The following ITGA4 variants were observed in gnomAD, a reference collection of about 807,000 sequenced individuals.
ITGA4 encodes the protein integrin subunit alpha 4.
In ITGA4, 63 loss-of-function variants were observed where a neutral mutation model predicts 133.6. That is an observed-to-expected ratio of 0.47 (90% CI 0.38 to 0.58). ITGA4 has a LOEUF of 0.58. Among genes scored for constraint, ITGA4 ranks in the 20% least tolerant of loss-of-function variants. ITGA4 has a pLI of 0.00. For synonymous variants in ITGA4, 483 were observed against 438.0 expected (o/e 1.10, Z -1.28); for missense variants, 1,076 against 1,252.7 (o/e 0.86, Z 2.13).
intron 17 of ITGA4, among the ~76,000 whole-genome samples, chr2:181,520,521 G>A (rs1686695902): frequency 6.6e-6 from 1 of 151,992 alleles, no homozygotes; most frequent in African/African-American, 2.4e-5. Flanking sequence ...GTGAAGACTG[G>A]ATTAAAGGAG....
At position 181,495,273 on chromosome 2, in the gene ITGA4, G is replaced by T; in HGVS notation, c.1340-98G>T. On this transcript the variant is annotated intron_variant, in intron 12 of 27. Coordinates refer to ENST00000397033, the MANE Select transcript of ITGA4 (RefSeq NM_000885.6). The surrounding 1 kb of genome is among the most constrained non-coding windows in gnomAD (Gnocchi z 4.3). ...CTAATTTTCTATAAATAGTGTTTTA[G>T]GTAGTCAAAGGTGATACGTAGTTAA... The T allele has an allele frequency of 1.2e-6, 1 of 820,788 alleles. No homozygotes were observed. Among genetic ancestry groups the T allele is most frequent in the South Asian group, 1.4e-5 (1 of 70,110 alleles). The allele number at this position is 820,788 out of a possible 1,614,324, so 50.8% of individuals were successfully genotyped here.
Position 181,535,134 on chromosome 2 carries a change from C to T in ITGA4, c.3003+199C>T, listed in dbSNP as rs573491805. Among the ~76,000 whole-genome samples, 17 of 147,604 alleles carry T rather than the reference C, an allele frequency of 1.2e-4. No homozygotes were observed. In the East Asian group the frequency reaches 2.7e-3, roughly 23 times the overall value. ...TGCATTCTTAATTTGTTTTGAAAGA[C>T]AGACGTTCCTTTTAAAAAACCATTT... On this transcript the variant is annotated intron_variant, in intron 27 of 27. Coordinates refer to ENST00000397033, the MANE Select transcript of ITGA4 (RefSeq NM_000885.6).
intron 22 of ITGA4, 53 bp from the exon 23 acceptor site, chr2:181,529,488 C>T: frequency 1.1e-6 from 1 of 883,824 alleles, no homozygotes; most frequent in Non-Finnish European, 1.9e-6. Flanking sequence ...GATATCTGTA[C>T]TTACATTTAT....
Position 181,520,352 on chromosome 2 carries a change from CT to C in ITGA4, c.1923-1838del, listed in dbSNP as rs754373876. ...GATGCCTGTTTATAGAAAAATATGACTGAAACAATGAATTGTGCAGTGAAAG... is the reference window on the plus strand; with the variant it reads ...GATGCCTGTTTATAGAAAAATATGACGAAACAATGAATTGTGCAGTGAAAG... On this transcript the variant is annotated intron_variant, in intron 17 of 27. Coordinates refer to ENST00000397033, the MANE Select transcript of ITGA4 (RefSeq NM_000885.6). Among the ~76,000 whole-genome samples the C allele has an allele frequency of 5.3e-5, 8 of 152,172 alleles. No individual in the cohort carries two copies. In the South Asian group the frequency reaches 1.0e-3, roughly 20 times the overall value.
chr2:181,535,399 T>C (rs1278126732), intron 27 of ITGA4, 33 bp from the exon 28 acceptor site: 3 of 1,518,516 alleles, frequency 2.0e-6, no homozygotes, highest in African/African-American at 2.8e-5. Context: ...TGTTCATAAC[T>C]ATACACTAGT....
In ITGA4 at chr2:181,482,431, TC is replaced by T; in HGVS notation, c.903+10del. On this transcript the variant is annotated intron_variant, in intron 8 of 27. Coordinates refer to ENST00000397033, the MANE Select transcript of ITGA4 (RefSeq NM_000885.6). ...AAATGAAAGGTAAAAAGGTAATATGTCTCTACCTTTAGTATCTCTGTGGGCT... is the reference window on the plus strand; with the variant it reads ...AAATGAAAGGTAAAAAGGTAATATGTTCTACCTTTAGTATCTCTGTGGGCT... The T allele has an allele frequency of 3.1e-6, 5 of 1,613,318 alleles. No homozygotes were observed. Among genetic ancestry groups the T allele is most frequent in the Non-Finnish European group, 3.4e-6 (4 of 1,179,514 alleles).
At chr2:181,484,018 C>T (rs1334005122) in intron 9 of ITGA4, among the ~76,000 whole-genome samples, 1 of 152,182 alleles carries the variant, frequency 6.6e-6, no homozygotes, top group East Asian at 1.9e-4. Context: ...TTGATTCCAG[C>T]TTTTAAATCC....
chr2:181,516,822 C>G lies in ITGA4; in HGVS notation c.1922+5047C>G, dbSNP rs1551031. On this transcript the variant is annotated intron_variant, in intron 17 of 27. Transcript: ENST00000397033. The surrounding 1 kb of genome is among the most constrained non-coding windows in gnomAD (Gnocchi z 4.0). ...CTAGACAATGAGCAAGGAGCAACAT[C>G]TGCCACCATGCTGTTAATTCCCGAA... 6.6e-6 allele frequency among the ~76,000 whole-genome samples: 1 copy of G among 151,818 alleles called. No individual in the cohort carries two copies.
chr2:181,465,508 T>C (rs753158380), intron 2 of ITGA4, among the ~76,000 whole-genome samples: 2 of 151,970 alleles, frequency 1.3e-5, no homozygotes, highest in African/African-American at 2.4e-5. Flanking sequence ...TTCCCTGGAG[T>C]ATTTTCTGTT....
At chr2:181,460,884 G>GA (rs982576458) in intron 2 of ITGA4, among the ~76,000 whole-genome samples, 12 of 151,984 alleles carry the variant, frequency 7.9e-5, no homozygotes, top group Admixed American at 7.2e-4. Flanking sequence ...GTTGGCTGAA[G>GA]AAAAAAATGT....
At chr2:181,519,572 C>T (rs1686675905) in intron 17 of ITGA4, among the ~76,000 whole-genome samples, 1 of 152,078 alleles carries the variant, frequency 6.6e-6, no homozygotes, top group Non-Finnish European at 1.5e-5. Context: ...ATTTTATTTG[C>T]ATATTCCGAG....
At position 181,482,350 on chromosome 2, in the gene ITGA4, C is replaced by G; in HGVS notation, c.841-10C>G. 1.3e-6 allele frequency: 2 copies of G among 1,591,344 alleles called. No individual in the cohort carries two copies. The highest frequency in any genetic ancestry group is 1.7e-6 in the Non-Finnish European group (2 of 1,171,776). On this transcript the variant is annotated splice_polypyrimidine_tract_variant and intron_variant, in intron 7 of 27. Transcript: ENST00000397033. Reference sequence around the variant, plus strand: ...CCTAAAAACTTTTCTAATTCTTTCCCTAATTACAGGCATATATATTCAGCA... The same window carrying G: ...CCTAAAAACTTTTCTAATTCTTTCCGTAATTACAGGCATATATATTCAGCA...
chr2:181,519,370 G>A (rs1191795397), intron 17 of ITGA4, among the ~76,000 whole-genome samples: 1 of 152,034 alleles, frequency 6.6e-6, no homozygotes, highest in Non-Finnish European at 1.5e-5. Flanking sequence ...CTTGAGCTAG[G>A]TGCTTAACGC....
chr2:181,526,023 A>C (rs577742330), intron 21 of ITGA4, among the ~76,000 whole-genome samples: 4 of 152,348 alleles, frequency 2.6e-5, no homozygotes, highest in East Asian at 3.8e-4. Flanking sequence ...TGTTGCTCTA[A>C]ATCTAAACCA....
intron 2 of ITGA4, among the ~76,000 whole-genome samples, chr2:181,467,495 A>C (rs997746607): frequency 2.0e-5 from 3 of 152,150 alleles, no homozygotes; most frequent in African/African-American, 7.2e-5. Context: ...AGTTATATAG[A>C]AAGAAGACCT....
chr2:181,535,639 G>GATCTTGTGACAT lies in ITGA4; in HGVS notation c.*115_*126dup. ...TTTTGTTTGGACTTCTTTTACTCAT[G>GATCTTGTGACAT]ATCTTGTGACATATTATGTCTTCAT... is the stretch of plus-strand genomic sequence containing the variant. On this transcript the variant is annotated 3_prime_UTR_variant, in exon 28 of 28. Coordinates refer to ENST00000397033, the MANE Select transcript of ITGA4 (RefSeq NM_000885.6). 7.3e-7 allele frequency: 1 copy of GATCTTGTGACAT among 1,366,848 alleles called. No individual in the cohort carries two copies. The highest frequency in any genetic ancestry group is 9.8e-7 in the Non-Finnish European group (1 of 1,019,306). The allele number at this position is 1,366,848 out of a possible 1,614,324, so 84.7% of individuals were successfully genotyped here.
At chr2:181,521,189 A>C (rs1179600308) in intron 17 of ITGA4, among the ~76,000 whole-genome samples, 1 of 152,146 alleles carries the variant, frequency 6.6e-6, no homozygotes, top group Non-Finnish European at 1.5e-5. Flanking sequence ...AAATTACTAG[A>C]TATCTAAGAA....
At chr2:181,483,806 TTC>T (rs915964571) in intron 9 of ITGA4, among the ~76,000 whole-genome samples, 4 of 152,174 alleles carry the variant, frequency 2.6e-5, no homozygotes, top group African/African-American at 7.2e-5. Context: ...TGCTGCAAAT[TTC>T]TCTTATTTTC....
chr2:181,470,961 T>A (rs1311197717), intron 2 of ITGA4, among the ~76,000 whole-genome samples: 5 of 152,116 alleles, frequency 3.3e-5, no homozygotes, highest in Non-Finnish European at 5.9e-5. Context: ...TCTGAACAGA[T>A]TCTAACCTGT....
Sources: allele counts gnomAD v4.1 joint callset (sites outside exome capture counted in the v4.1 genomes callset), GRCh38; gene constraint gnomAD v4.1.1; non-coding constraint Gnocchi (gnomAD v3.1); transcripts MANE v1.5; gene names NCBI Gene and HGNC (gene_info 2026-07-23, HGNC 2026-07-21).